Variants in CCR5AS observed in about 807,000 individuals in gnomAD.
The protein encoded by CCR5AS is CCR5 antisense RNA.
intron 1 of CCR5AS, among the ~76,000 whole-genome samples, chr3:46,394,837 T>C (rs1371874399): frequency 6.6e-6 from 1 of 152,140 alleles, no homozygotes; most frequent in Admixed American, 6.5e-5. Context: ...GAAATGGGGC[T>C]GGAACCTGGG....
At chr3:46,364,328 T>C (rs1559564696), downstream of CCR5AS, among the ~76,000 whole-genome samples, 1 of 152,144 alleles carries the variant, frequency 6.6e-6, no homozygotes, top group African/African-American at 2.4e-5. Flanking sequence ...TCATTAAGAA[T>C]TATGCGAAAT....
chr3:46,393,375 G>A (rs1701931945), intron 1 of CCR5AS, among the ~76,000 whole-genome samples: 1 of 151,082 alleles, frequency 6.6e-6, no homozygotes, highest in African/African-American at 2.4e-5. Flanking sequence ...AGGATATGAT[G>A]GCTTAGCTTG....
At chr3:46,373,007 G>T in intron 2 of CCR5AS, 1 of 1,614,058 alleles carries the variant, frequency 6.2e-7, no homozygotes, top group Middle Eastern at 1.6e-4. Flanking sequence ...TCCTGCCTCC[G>T]CTCTACTCAC....
chr3:46,386,018 C>G (rs1469879345), intron 2 of CCR5AS, among the ~76,000 whole-genome samples: 1 of 152,034 alleles, frequency 6.6e-6, no homozygotes, highest in African/African-American at 2.4e-5. Flanking sequence ...CTCAAGCAAT[C>G]CTCCAACCTC....
chr3:46,383,121 G>C (rs1040567007), intron 2 of CCR5AS, among the ~76,000 whole-genome samples: 2 of 152,244 alleles, frequency 1.3e-5, no homozygotes, highest in Non-Finnish European at 2.9e-5. Flanking sequence ...TGCAGTGAGA[G>C]AGAAGCACTG....
At chr3:46,402,292 G>A (rs754071597) in intron 1 of CCR5AS, among the ~76,000 whole-genome samples, 21 of 152,174 alleles carry the variant, frequency 1.4e-4, no homozygotes, top group Non-Finnish European at 2.2e-4. Flanking sequence ...TGGGTACTGA[G>A]GTGGAATTTT....
At chr3:46,371,157 C>T (rs568718768) in intron 3 of CCR5AS, 4 of 152,268 alleles carry the variant, frequency 2.6e-5, no homozygotes, top group African/African-American at 9.6e-5. Context: ...GAGTTTCAGA[C>T]GGTTATAACA....
At chr3:46,405,639 C>A (rs1432885617) in intron 1 of CCR5AS, among the ~76,000 whole-genome samples, 1 of 151,904 alleles carries the variant, frequency 6.6e-6, no homozygotes, top group East Asian at 1.9e-4. Flanking sequence ...GACCCCCACT[C>A]ACTCACTCAC....
chr3:46,373,858 G>C (rs369373756), intron 2 of CCR5AS: 1 of 1,613,952 alleles, frequency 6.2e-7, no homozygotes, highest in Non-Finnish European at 8.5e-7. Flanking sequence ...ATTGCCAAAC[G>C]CTTCTGCAAA....
exon 3 of CCR5AS, chr3:46,371,316 A>C (rs1388049708): frequency 6.6e-6 from 1 of 152,234 alleles, no homozygotes; most frequent in Admixed American, 6.5e-5. Flanking sequence ...GCTAAGGAGA[A>C]CTAAACCCTC....
At chr3:46,387,519 C>A (rs368216097) in intron 2 of CCR5AS, among the ~76,000 whole-genome samples, 1 of 152,148 alleles carries the variant, frequency 6.6e-6, no homozygotes, top group Non-Finnish European at 1.5e-5. Flanking sequence ...GTGCTAGAGG[C>A]AAGTGGATTG....
At chr3:46,401,304 C>A (rs1452938867) in intron 1 of CCR5AS, among the ~76,000 whole-genome samples, 1 of 152,174 alleles carries the variant, frequency 6.6e-6, no homozygotes, top group Non-Finnish European at 1.5e-5. Flanking sequence ...GCAAAGGACT[C>A]AAGACTCTAG....
chr3:46,373,367 G>A (rs1026398876), intron 2 of CCR5AS: 3 of 1,614,118 alleles, frequency 1.9e-6, no homozygotes, highest in Non-Finnish European at 2.5e-6. Flanking sequence ...CTTGGGTGGT[G>A]GCTGTGTTTG....
chr3:46,405,859 G>A (rs7615686), intron 1 of CCR5AS, among the ~76,000 whole-genome samples: 15,671 of 148,850 alleles, frequency 0.11, 1,177 homozygotes, highest in East Asian at 0.22. Context: ...TCCTCTCCCC[G>A]CCCCTCCTCC....
At chr3:46,370,650 T>C (rs1701648989) in intron 3 of CCR5AS, among the ~76,000 whole-genome samples, 1 of 152,222 alleles carries the variant, frequency 6.6e-6, no homozygotes, top group Non-Finnish European at 1.5e-5. Context: ...TAGATGAATG[T>C]AAATGTTCTT....
chr3:46,400,511 A>G (rs1701997791), intron 1 of CCR5AS, among the ~76,000 whole-genome samples: 1 of 152,218 alleles, frequency 6.6e-6, no homozygotes, highest in Non-Finnish European at 1.5e-5. Flanking sequence ...CAAAGAATAA[A>G]TGGAGTGAGA....
chr3:46,395,298 T>C (rs1313683967), intron 1 of CCR5AS, among the ~76,000 whole-genome samples: 1 of 152,096 alleles, frequency 6.6e-6, no homozygotes, highest in East Asian at 1.9e-4. Flanking sequence ...GGAAGCTGGA[T>C]GTGCTGACAC....
At chr3:46,397,910 G>A (rs749672370) in intron 1 of CCR5AS, among the ~76,000 whole-genome samples, 1 of 152,204 alleles carries the variant, frequency 6.6e-6, no homozygotes. Flanking sequence ...ACTGTCTGGT[G>A]CAGACAAATC....
At chr3:46,395,098 G>T (rs1701948276) in intron 1 of CCR5AS, among the ~76,000 whole-genome samples, 2 of 152,174 alleles carry the variant, frequency 1.3e-5, no homozygotes, top group Non-Finnish European at 2.9e-5. Context: ...TGACTGGAGA[G>T]AAGTTAATGG....
Sources: allele counts gnomAD v4.1 joint callset (sites outside exome capture counted in the v4.1 genomes callset), GRCh38; gene constraint gnomAD v4.1.1; transcripts MANE v1.5; gene names NCBI Gene and HGNC (gene_info 2026-07-23, HGNC 2026-07-21).